The following CTNNA3 variants were observed in gnomAD, a reference collection of about 807,000 sequenced individuals.
CTNNA3 encodes catenin alpha 3.
CTNNA3 carries 76 observed loss-of-function variants against 95.7 expected under a neutral mutation model. That is an observed-to-expected ratio of 0.79 (90% CI 0.66 to 0.96). CTNNA3 has a LOEUF of 0.96. Ranked by LOEUF, CTNNA3 falls within the 40% of genes least tolerant of loss-of-function variation. The pLI is 0.00. For missense variants in CTNNA3, 1,191 were observed against 1,089.8 expected (o/e 1.09, Z -1.31); for synonymous variants, 431 against 374.4 (o/e 1.15, Z -1.74).
intron 13 of CTNNA3, among the ~76,000 whole-genome samples, chr10:66,170,346 T>A (rs1221864580): frequency 6.7e-6 from 1 of 149,834 alleles, no homozygotes; most frequent in East Asian, 2.0e-4. Context: ...TCTCTAGAAC[T>A]TTATTTCCAC....
At chr10:66,751,931 T>A (rs1246857779) in intron 9 of CTNNA3, among the ~76,000 whole-genome samples, 2 of 152,150 alleles carry the variant, frequency 1.3e-5, no homozygotes, top group Non-Finnish European at 2.9e-5. Context: ...CTGCAAAACA[T>A]TGATTTAAAA....
At chr10:67,028,629 AC>A (rs1853533191) in intron 7 of CTNNA3, among the ~76,000 whole-genome samples, 1 of 146,576 alleles carries the variant, frequency 6.8e-6, no homozygotes, top group Non-Finnish European at 1.5e-5. Flanking sequence ...GATAACTGAT[AC>A]AACAAGCTAG....
intron 12 of CTNNA3, among the ~76,000 whole-genome samples, chr10:66,303,551 A>G (rs1189542967): frequency 6.6e-6 from 1 of 152,168 alleles, no homozygotes; most frequent in African/African-American, 2.4e-5. Context: ...ATAATTGGTT[A>G]GGCATATGAA....
intron 11 of CTNNA3, among the ~76,000 whole-genome samples, chr10:66,421,444 A>G (rs1444037027): frequency 6.6e-6 from 1 of 152,196 alleles, no homozygotes; most frequent in Non-Finnish European, 1.5e-5. Flanking sequence ...AAATCCTCAC[A>G]GTAATGGACA....
At chr10:66,994,827 TTTCTATACATTGTACAAGTTATTTAA>T (rs1851240788) in intron 7 of CTNNA3, among the ~76,000 whole-genome samples, 1 of 152,200 alleles carries the variant, frequency 6.6e-6, no homozygotes, top group Non-Finnish European at 1.5e-5. Context: ...CCTTTGAGAA[TTTCTATACATTGTACAAGTTATTTAA>T]AATCTGCCAA....
chr10:66,241,396 C>T (rs1302022738), intron 13 of CTNNA3, among the ~76,000 whole-genome samples: 2 of 151,704 alleles, frequency 1.3e-5, no homozygotes, highest in South Asian at 2.1e-4. Context: ...AAAGGTTGAC[C>T]TTTTCAATCA....
At chr10:66,633,730 T>G (rs559204936) in intron 9 of CTNNA3, among the ~76,000 whole-genome samples, 2 of 152,266 alleles carry the variant, frequency 1.3e-5, no homozygotes, top group African/African-American at 4.8e-5. Context: ...AAGTATAATG[T>G]CCACAGTGAT....
chr10:66,817,584 T>C (rs1842139065), intron 7 of CTNNA3, among the ~76,000 whole-genome samples: 1 of 151,932 alleles, frequency 6.6e-6, no homozygotes, highest in Non-Finnish European at 1.5e-5. Context: ...AGACAATTCC[T>C]AGAAACTAGC....
chr10:67,185,422 G>A (rs769795360), intron 6 of CTNNA3, among the ~76,000 whole-genome samples: 3 of 152,022 alleles, frequency 2.0e-5, no homozygotes, highest in South Asian at 2.1e-4. Flanking sequence ...CATCACGGCC[G>A]GCCTTTTTTT....
At chr10:66,315,914 C>A (rs978592697) in intron 12 of CTNNA3, among the ~76,000 whole-genome samples, 12 of 152,086 alleles carry the variant, frequency 7.9e-5, no homozygotes, top group African/African-American at 2.4e-4. Context: ...CACCTTTATT[C>A]CCTTCATCTT....
At chr10:66,317,688 A>T (rs201641764) in intron 12 of CTNNA3, among the ~76,000 whole-genome samples, 2 of 115,954 alleles carry the variant, frequency 1.7e-5, no homozygotes, top group Admixed American at 8.8e-5. Flanking sequence ...ATTAAAAAAA[A>T]TTTAAAATGA....
chr10:66,190,583 T>C (rs1032459539), intron 13 of CTNNA3, among the ~76,000 whole-genome samples: 5 of 152,146 alleles, frequency 3.3e-5, no homozygotes, highest in Admixed American at 6.5e-5. Flanking sequence ...TAAGAAATCT[T>C]TGAGGAGTCA....
At chr10:67,316,657 A>T (rs1040690725) in intron 5 of CTNNA3, among the ~76,000 whole-genome samples, 2 of 152,208 alleles carry the variant, frequency 1.3e-5, no homozygotes, top group Non-Finnish European at 2.9e-5. Flanking sequence ...GGTTGAGATA[A>T]TATAGCATAA....
At chr10:67,048,939 CT>C (rs1229162252) in intron 7 of CTNNA3, among the ~76,000 whole-genome samples, 1 of 148,814 alleles carries the variant, frequency 6.7e-6, no homozygotes, top group Non-Finnish European at 1.5e-5. Context: ...TAATTTTATA[CT>C]TAGTTATTCC....
Position 67,402,846 on chromosome 10 carries a change from GA to G in CTNNA3, c.579+118995del, listed in dbSNP as rs1417746627. Among the ~76,000 whole-genome samples, 8 of 152,284 alleles carry G rather than the reference GA, an allele frequency of 5.3e-5. No individual in the cohort carries two copies. In the East Asian group the frequency reaches 1.5e-3, roughly 29 times the overall value. On this transcript the variant is annotated intron_variant, in intron 5 of 17. Coordinates refer to ENST00000433211, the MANE Select transcript of CTNNA3 (RefSeq NM_013266.4). ...GGAGATTTACATACCCCAGCCACAG[GA>G]TCCCTGGCAAAGGTGACTACAACTC...
chr10:66,121,849 A>G lies in CTNNA3; in HGVS notation c.1885-18600T>C, dbSNP rs547333655. Reference sequence around the variant, plus strand: ...ACAGAGTGAGACCCTGTCTCAAAAAAAAAGTTGCTGAGGTTTACCAACTTT... The same window carrying G: ...ACAGAGTGAGACCCTGTCTCAAAAAGAAAGTTGCTGAGGTTTACCAACTTT... On this transcript the variant is annotated intron_variant, in intron 13 of 17. Coordinates refer to ENST00000433211, the MANE Select transcript of CTNNA3 (RefSeq NM_013266.4). 2.7e-4 allele frequency among the ~76,000 whole-genome samples: 41 copies of G among 152,330 alleles called. No individual in the cohort carries two copies. In the South Asian group the frequency reaches 7.3e-3, roughly 27 times the overall value.
At chr10:67,354,057 A>G (rs2088320036) in intron 5 of CTNNA3, among the ~76,000 whole-genome samples, 1 of 152,050 alleles carries the variant, frequency 6.6e-6, no homozygotes. Context: ...AACATTAACA[A>G]TTGGCACAAG....
chr10:67,121,580 C>T (rs909602731), intron 7 of CTNNA3, among the ~76,000 whole-genome samples: 11 of 152,002 alleles, frequency 7.2e-5, no homozygotes, highest in African/African-American at 2.2e-4. Context: ...ATGTTTGGAA[C>T]ACACTATTGA....
At chr10:67,607,103 G>T in intron 2 of CTNNA3, 54 bp from the exon 3 acceptor site, 1 of 1,380,086 alleles carries the variant, frequency 7.2e-7, no homozygotes, top group Non-Finnish European at 1.0e-6. Flanking sequence ...GGAGAACACA[G>T]TCCTGGGATA....
Sources: allele counts gnomAD v4.1 joint callset (sites outside exome capture counted in the v4.1 genomes callset), GRCh38; gene constraint gnomAD v4.1.1; transcripts MANE v1.5; gene names NCBI Gene and HGNC (gene_info 2026-07-23, HGNC 2026-07-21).